The following PHF24 variants were observed in gnomAD, a reference collection of about 807,000 sequenced individuals.
The protein encoded by PHF24 is PHD finger protein 24.
Under a neutral mutation model 42.6 loss-of-function variants are expected in PHF24, and 25 were observed. The ratio of observed to expected loss-of-function variants is 0.59; its 90% CI spans 0.43 to 0.82. The LOEUF (loss-of-function observed/expected upper bound fraction) is 0.82, where lower values mean the gene tolerates loss of function less well. PHF24 is among the 40% of genes least tolerant of loss of function. The pLI is 0.00. For missense variants in PHF24, 470 were observed against 538.1 expected, an observed-to-expected ratio of 0.87 and a Z score of 1.25; for synonymous variants, 185 against 204.8, an observed-to-expected ratio of 0.90 and a Z score of 0.83.
chr9:34,844,375 A>G, the PHF24 span, among the ~76,000 whole-genome samples: 2 of 151,988 alleles, frequency 1.3e-5, no homozygotes, highest in African/African-American at 4.8e-5. Context: ...CTTGAGGTGT[A>G]ACATTAGGTT....
At chr9:34,852,175 CT>C in the PHF24 span, among the ~76,000 whole-genome samples, 1 of 152,174 alleles carries the variant, frequency 6.6e-6, no homozygotes, top group Non-Finnish European at 1.5e-5. Context: ...TTCCTTATGA[CT>C]TTCTTTTCTC....
At chr9:34,813,387 A>G in the PHF24 span, among the ~76,000 whole-genome samples, 3 of 152,190 alleles carry the variant, frequency 2.0e-5, no homozygotes, top group Admixed American at 6.5e-5. Context: ...GAAATGTGGT[A>G]TCTTAAAACA....
chr9:34,927,569 G>A, the PHF24 span, among the ~76,000 whole-genome samples: 22 of 152,272 alleles, frequency 1.4e-4, no homozygotes, highest in East Asian at 4.2e-3. Context: ...AATAAGGACT[G>A]TAGGTTTTTG....
the PHF24 span, among the ~76,000 whole-genome samples, chr9:34,748,254 G>C: frequency 6.6e-6 from 1 of 152,126 alleles, no homozygotes; most frequent in African/African-American, 2.4e-5. Context: ...ATATTTTTCT[G>C]TATGTATGTT....
chr9:34,750,909 G>A, the PHF24 span, among the ~76,000 whole-genome samples: 1,943 of 152,098 alleles, frequency 0.013, 52 homozygotes, highest in African/African-American at 0.043. Context: ...AATGTGAATG[G>A]ACTAAACTCT....
the PHF24 span, among the ~76,000 whole-genome samples, chr9:34,703,371 G>A: frequency 6.6e-6 from 1 of 152,160 alleles, no homozygotes; most frequent in East Asian, 1.9e-4. Context: ...GTTTCACCAT[G>A]TTGGCCAGGC....
At chr9:34,849,298 C>A in the PHF24 span, among the ~76,000 whole-genome samples, 1 of 151,800 alleles carries the variant, frequency 6.6e-6, no homozygotes, top group Non-Finnish European at 1.5e-5. Flanking sequence ...TATTGGGTGC[C>A]TATATATTTA....
At chr9:34,726,026 T>C in the PHF24 span, 1 of 1,538,630 alleles carries the variant, frequency 6.5e-7, no homozygotes, top group Non-Finnish European at 8.8e-7. Context: ...ACTTAGGGCT[T>C]TAAGGGCTGG....
At chr9:34,875,724 G>GT in the PHF24 span, among the ~76,000 whole-genome samples, 1 of 152,068 alleles carries the variant, frequency 6.6e-6, no homozygotes, top group African/African-American at 2.4e-5. Context: ...ATTGTGTTCA[G>GT]TTTTACATTC....
the PHF24 span, among the ~76,000 whole-genome samples, chr9:34,684,993 G>C: frequency 6.6e-6 from 1 of 152,132 alleles, no homozygotes; most frequent in East Asian, 1.9e-4. Context: ...TGTCCTTGCT[G>C]TTTTCCTCCA....
At chr9:34,971,250 C>A in intron 1 of PHF24, 45 bp from the exon 2 acceptor site, 1 of 1,542,096 alleles carries the variant, frequency 6.5e-7, no homozygotes, top group Admixed American at 1.9e-5. Context: ...GCCTGACATC[C>A]TCAGCCATTG....
chr9:34,739,780 T>G, the PHF24 span, among the ~76,000 whole-genome samples: 1 of 152,070 alleles, frequency 6.6e-6, no homozygotes, highest in South Asian at 2.1e-4. Flanking sequence ...TACCCCAGCG[T>G]GTTGCCGCTG....
the PHF24 span, among the ~76,000 whole-genome samples, chr9:34,735,133 C>CTT: frequency 1.3e-4 from 15 of 112,494 alleles, no homozygotes; most frequent in Admixed American, 1.9e-4. Flanking sequence ...TTTCTTTTTT[C>CTT]TTTTTTTTTT....
chr9:34,901,945 CAA>C, the PHF24 span, among the ~76,000 whole-genome samples: 1 of 152,018 alleles, frequency 6.6e-6, no homozygotes, highest in African/African-American at 2.4e-5. Context: ...AAAGAAGAAA[CAA>C]GATTGTTAAA....
exon 2 of PHF24, chr9:34,971,526 C>T (rs552360157): frequency 3.9e-5 from 63 of 1,614,142 alleles, no homozygotes; most frequent in Middle Eastern, 1.6e-4. Context: ...GTGCCGGCCG[C>T]GCAGCCTGGG....
At chr9:34,709,747 G>A in the PHF24 span, 1 of 1,607,776 alleles carries the variant, frequency 6.2e-7, no homozygotes. Context: ...CCCGTCACCA[G>A]CCAGTACCCA....
At chr9:34,764,847 A>G in the PHF24 span, among the ~76,000 whole-genome samples, 1 of 151,144 alleles carries the variant, frequency 6.6e-6, no homozygotes, top group Non-Finnish European at 1.5e-5. Flanking sequence ...AGTGCTATAA[A>G]TTTCCCTCTA....
the PHF24 span, among the ~76,000 whole-genome samples, chr9:34,930,847 GA>G: frequency 6.6e-6 from 1 of 152,164 alleles, no homozygotes; most frequent in Admixed American, 6.5e-5. Flanking sequence ...AATAAATTGG[GA>G]AACTGCATCC....
chr9:34,976,763 G>A (rs749859569), intron 5 of PHF24, 23 bp downstream of exon 5: 4 of 1,600,282 alleles, frequency 2.5e-6, no homozygotes, highest in Admixed American at 1.7e-5. Context: ...TGGGGCAAAT[G>A]TTCCTGGGAT....
Sources: gnomAD v4.1 joint callset for allele counts (sites outside exome capture counted in the v4.1 genomes callset) on GRCh38, gnomAD v4.1.1 for gene constraint, MANE v1.5 for transcripts, NCBI Gene and HGNC (gene_info 2026-07-23, HGNC 2026-07-21) for gene names.